ANKRD7: variants seen among roughly 807,000 people sequenced by gnomAD.
The protein encoded by ANKRD7 is ankyrin repeat domain 7, also known as ankyrin repeat domain-containing protein 7.
ANKRD7 carries 30 observed loss-of-function variants against 30.8 expected under a neutral mutation model. The observed-to-expected ratio is 0.97, with a 90% CI of 0.73 to 1.32. The LOEUF is 1.32. Among genes scored for constraint, ANKRD7 ranks in the 40% most tolerant of loss-of-function variants. ANKRD7 has a pLI of 0.00. For synonymous variants in ANKRD7, 97 were observed against 106.6 expected, an observed-to-expected ratio of 0.91 and a Z score of 0.55; for missense variants, 264 against 295.7, an observed-to-expected ratio of 0.89 and a Z score of 0.79.
At chr7:118,236,415 A>T (rs891016040) in intron 4 of ANKRD7, among the ~76,000 whole-genome samples, 88 of 152,264 alleles carry the variant, frequency 5.8e-4, no homozygotes, top group African/African-American at 2.0e-3. Flanking sequence ...ATCATTTATT[A>T]TTAGAATTTA....
At chr7:118,239,642 T>C (rs189078158) in intron 5 of ANKRD7, among the ~76,000 whole-genome samples, 9 of 152,330 alleles carry the variant, frequency 5.9e-5, no homozygotes, top group African/African-American at 2.2e-4. Context: ...ACACCAACTA[T>C]AAATTAAAGC....
At chr7:118,230,977 T>C (rs1266629477) in intron 1 of ANKRD7, among the ~76,000 whole-genome samples, 1 of 151,984 alleles carries the variant, frequency 6.6e-6, no homozygotes, top group Admixed American at 6.6e-5. Flanking sequence ...AATTGGAATT[T>C]CTGGTAAAAA....
chr7:118,236,132 C>T lies in ANKRD7; in HGVS notation c.560C>T (p.Ser187Leu). Residue 187 changes from serine to leucine, a missense_variant, in exon 4 of 7, where the codon TCA (serine) becomes TTA (leucine). Ser to Leu is a moderately radical substitution (Grantham distance 145). Transcript: ENST00000265224. ...LLEKGADVNASDNYQRTALIL... is the reference protein window; with the variant it reads ...LLEKGADVNALDNYQRTALIL... ...GAGAAAGGGGCTGATGTGAATGCTT[C>T]AGATAATTATCAAAGGTATAATTAA... The T allele has an allele frequency of 6.3e-7, 1 of 1,584,546 alleles. No individual in the cohort carries two copies. Among genetic ancestry groups the T allele is most frequent in the East Asian group, 2.2e-5 (1 of 44,628 alleles).
At chr7:118,236,696 C>T (rs1809736137) in intron 4 of ANKRD7, 94 bp from the exon 5 acceptor site, 3 of 1,327,258 alleles carry the variant, frequency 2.3e-6, no homozygotes, top group South Asian at 2.8e-5. Context: ...GATAGAGGCC[C>T]TACATTTGAG....
At chr7:118,235,978 T>C in intron 3 of ANKRD7, 63 bp from the exon 4 acceptor site, 1 of 869,702 alleles carries the variant, frequency 1.1e-6, no homozygotes, top group Non-Finnish European at 1.8e-6. Flanking sequence ...TAAGTTGAAC[T>C]TAAATCTAAA....
chr7:118,241,549 T>C (rs906481548), intron 6 of ANKRD7, among the ~76,000 whole-genome samples: 5 of 120,498 alleles, frequency 4.1e-5, no homozygotes, highest in Non-Finnish European at 6.5e-5. Context: ...TTTTTTTTTT[T>C]CTGTTTTTGA....
At chr7:118,234,983 C>A in intron 3 of ANKRD7, 109 bp downstream of exon 3, 1 of 945,440 alleles carries the variant, frequency 1.1e-6, no homozygotes, top group Non-Finnish European at 1.5e-6. Context: ...CATGAATTTT[C>A]CAAACTAAAA....
intron 5 of ANKRD7, among the ~76,000 whole-genome samples, chr7:118,238,428 A>G (rs948500937): frequency 9.2e-5 from 14 of 152,150 alleles, no homozygotes; most frequent in Non-Finnish European, 1.9e-4. Flanking sequence ...CAAAACTACA[A>G]TCTTGTCCTT....
At chr7:118,231,125 C>T (rs887776769) in intron 1 of ANKRD7, among the ~76,000 whole-genome samples, 3 of 152,016 alleles carry the variant, frequency 2.0e-5, no homozygotes, top group African/African-American at 7.2e-5. Flanking sequence ...GAGATACCTT[C>T]AGTCTCATCT....
rs1341059514 is a variant in ANKRD7, at chr7:118,230,515, G to T, written c.180-3916G>T. Among the ~76,000 whole-genome samples the T allele has an allele frequency of 8.6e-5, 10 of 116,716 alleles. No homozygotes were observed. In the East Asian group the frequency reaches 2.2e-3, roughly 25 times the overall value. The allele number at this position is 116,716 out of a possible 152,430, so 76.6% of individuals were successfully genotyped here. On this transcript the variant is annotated intron_variant, in intron 1 of 6. Coordinates refer to ENST00000265224, the MANE Select transcript of ANKRD7 (RefSeq NM_019644.4). ...GGGAGGGGAAAGAATTGACTGCAAAGAATTGACTATAAATTGACTAGTCAA... is the reference window on the plus strand; with the variant it reads ...GGGAGGGGAAAGAATTGACTGCAAATAATTGACTATAAATTGACTAGTCAA...
rs140161767 is a variant in ANKRD7 at position 118,229,492 on chromosome 7, C to T, written c.179+4483C>T. Among the ~76,000 whole-genome samples the T allele has an allele frequency of 5.1e-3, 782 of 151,988 alleles. 8 individuals carry two copies. Among genetic ancestry groups the T allele is most frequent in the African/African-American group, 0.018 (740 of 41,472 alleles). ...TAGAACCCTGCCTAGCCATAGTGAG[C>T]GCTTAATATTTTTAAAATAAATGAA... On this transcript the variant is annotated intron_variant, in intron 1 of 6. Transcript: ENST00000265224.
At chr7:118,225,781 C>T (rs1809530246) in intron 1 of ANKRD7, among the ~76,000 whole-genome samples, 1 of 152,144 alleles carries the variant, frequency 6.6e-6, no homozygotes. Context: ...TTTATTGATA[C>T]TTAACAAACT....
intron 2 of ANKRD7, 28 bp downstream of exon 2, chr7:118,234,573 G>C: frequency 1.3e-6 from 2 of 1,579,902 alleles, no homozygotes; most frequent in Non-Finnish European, 8.6e-7. Context: ...TTTTTCAATT[G>C]GAATGTGTTT....
intron 5 of ANKRD7, among the ~76,000 whole-genome samples, chr7:118,238,148 CCTTT>C (rs1161523665): frequency 1.3e-5 from 2 of 152,090 alleles, no homozygotes; most frequent in African/African-American, 2.4e-5. Flanking sequence ...TTACAATCTT[CCTTT>C]ATCTCCCCCA....
At position 118,234,408 on chromosome 7, in the gene ANKRD7, T is replaced by C. The variant is rs1006367106; in HGVS notation, c.180-23T>C. 6.0e-6 allele frequency: 9 copies of C among 1,493,180 alleles called. 1 individual carries two copies. In the Middle Eastern group the frequency reaches 9.2e-4, roughly 152 times the overall value. The allele number at this position is 1,493,180 out of a possible 1,614,324, so 92.5% of individuals were successfully genotyped here. Reference sequence around the variant, plus strand: ...TCAAACGAAGACTTATCTCTAACTTTGTGTTTTGTTTTATTGACATAGAAC... The same window carrying C: ...TCAAACGAAGACTTATCTCTAACTTCGTGTTTTGTTTTATTGACATAGAAC... On this transcript the variant is annotated intron_variant, in intron 1 of 6. Coordinates refer to ENST00000265224, the MANE Select transcript of ANKRD7 (RefSeq NM_019644.4).
In ANKRD7 at chr7:118,227,328, C is replaced by A. The variant is rs184412432; in HGVS notation, c.179+2319C>A. On this transcript the variant is annotated intron_variant, in intron 1 of 6. Transcript: ENST00000265224. ...GTTTATGGGGAAGCTGGGGTGCTGGCAAGCCACCTCCTTTGCTCTCTTGGG... is the reference window on the plus strand; with the variant it reads ...GTTTATGGGGAAGCTGGGGTGCTGGAAAGCCACCTCCTTTGCTCTCTTGGG... 2.9e-3 allele frequency among the ~76,000 whole-genome samples: 435 copies of A among 152,298 alleles called. 1 individual carries two copies. The highest frequency in any genetic ancestry group is 1.0e-2 in the African/African-American group (414 of 41,556).
At chr7:118,227,250 A>C (rs1809558649) in intron 1 of ANKRD7, among the ~76,000 whole-genome samples, 1 of 152,108 alleles carries the variant, frequency 6.6e-6, no homozygotes, top group Non-Finnish European at 1.5e-5. Flanking sequence ...AAAATTCTAA[A>C]TTTTATCTCC....
intron 4 of ANKRD7, among the ~76,000 whole-genome samples, 198 bp from the exon 5 acceptor site, chr7:118,236,592 T>C (rs1206679481): frequency 2.0e-5 from 3 of 152,214 alleles, no homozygotes; most frequent in East Asian, 3.8e-4. Context: ...TCCTAGGTAC[T>C]GTTCATGTTT....
intron 6 of ANKRD7, among the ~76,000 whole-genome samples, chr7:118,241,566 G>GTC (rs1412802039): frequency 1.1e-5 from 1 of 88,110 alleles, no homozygotes; most frequent in Non-Finnish European, 2.3e-5. Flanking sequence ...TTGAGGTGGA[G>GTC]TCTCACTCTG....
Sources: allele counts gnomAD v4.1 joint callset (sites outside exome capture counted in the v4.1 genomes callset), GRCh38; gene constraint gnomAD v4.1.1; transcripts MANE v1.5; gene names NCBI Gene and HGNC (gene_info 2026-07-23, HGNC 2026-07-21).